The following SNTB1 variants were observed in gnomAD, a reference collection of about 807,000 sequenced individuals.
SNTB1 encodes the protein syntrophin beta 1, also known as beta-1-syntrophin.
Under a neutral mutation model 48.9 loss-of-function variants are expected in SNTB1, and 36 were observed. The ratio of observed to expected loss-of-function variants is 0.74; its 90% CI spans 0.56 to 0.97. The LOEUF is 0.97. Among genes scored for constraint, SNTB1 ranks in the 50% least tolerant of loss-of-function variants. The probability of loss-of-function intolerance (pLI) is 0.00; values close to 1 mark genes in which losing one functional copy is unlikely to be tolerated. For missense variants in SNTB1, 786 were observed against 703.4 expected, an observed-to-expected ratio of 1.12 and a Z score of -1.33; for synonymous variants, 299 against 294.6, an observed-to-expected ratio of 1.01 and a Z score of -0.15.
At chr8:120,664,802 G>A (rs957531415) in intron 2 of SNTB1, among the ~76,000 whole-genome samples, 1 of 152,208 alleles carries the variant, frequency 6.6e-6, no homozygotes, top group African/African-American at 2.4e-5. Flanking sequence ...GAGAGGAATT[G>A]CTGGCTCATA....
chr8:120,667,286 C>T (rs1028754920), intron 2 of SNTB1, among the ~76,000 whole-genome samples: 2 of 152,148 alleles, frequency 1.3e-5, no homozygotes, highest in South Asian at 2.1e-4. Context: ...TGCCACCACA[C>T]TACAGCTCAC....
chr8:120,571,270 T>C (rs1163262654), intron 4 of SNTB1: 2 of 1,284,508 alleles, frequency 1.6e-6, no homozygotes, highest in Non-Finnish European at 1.0e-6. Context: ...ACTTTGCTTC[T>C]TAGTAACTGG....
intron 2 of SNTB1, among the ~76,000 whole-genome samples, chr8:120,657,255 A>C (rs1029868930): frequency 4.6e-5 from 7 of 152,180 alleles, no homozygotes; most frequent in African/African-American, 1.7e-4. Flanking sequence ...CCCAGTGTAC[A>C]ATTTTATCAG....
At chr8:120,713,513 C>T (rs954723272) in intron 1 of SNTB1, among the ~76,000 whole-genome samples, 1 of 152,112 alleles carries the variant, frequency 6.6e-6, no homozygotes, top group African/African-American at 2.4e-5. Context: ...GGGTGGATTG[C>T]GAGGTCAGGA....
chr8:120,697,026 A>T (rs1435493377), intron 1 of SNTB1, among the ~76,000 whole-genome samples: 1 of 152,230 alleles, frequency 6.6e-6, no homozygotes, highest in East Asian at 1.9e-4. Context: ...GATTAGAAGT[A>T]GATCCACCAT....
chr8:120,578,437 C>T (rs1815985528), intron 3 of SNTB1, among the ~76,000 whole-genome samples: 1 of 152,088 alleles, frequency 6.6e-6, no homozygotes, highest in Non-Finnish European at 1.5e-5. Flanking sequence ...TTCCTGGCAC[C>T]CAAAGGTATT....
chr8:120,800,819 GAT>G (rs1231382462), intron 1 of SNTB1, among the ~76,000 whole-genome samples: 2 of 152,002 alleles, frequency 1.3e-5, no homozygotes, highest in Non-Finnish European at 2.9e-5. Context: ...AAAATGGAAT[GAT>G]ACTGTCATGG....
In SNTB1 at chr8:120,590,680, C is replaced by G. The variant is rs543543592; in HGVS notation, c.997-15455G>C. Among the ~76,000 whole-genome samples the G allele has an allele frequency of 1.1e-4, 14 of 131,016 alleles. No individual in the cohort carries two copies. In the East Asian group the frequency reaches 3.1e-3, roughly 29 times the overall value. The allele number at this position is 131,016 out of a possible 152,430, so 86.0% of individuals were successfully genotyped here. ...AGGTTTCTTTCTTTTGTTTTCTTTT[C>G]TTTTCTTTTTTTTTTTTTTTGAGAC... On this transcript the variant is annotated intron_variant, in intron 3 of 6. Transcript: ENST00000517992.
At chr8:120,746,863 A>T (rs1284875117) in intron 1 of SNTB1, among the ~76,000 whole-genome samples, 4 of 152,222 alleles carry the variant, frequency 2.6e-5, no homozygotes, top group African/African-American at 9.6e-5. Context: ...CATGGTGTTT[A>T]GTCCATTCAT....
At chr8:120,782,237 G>A (rs958576551) in intron 1 of SNTB1, among the ~76,000 whole-genome samples, 10 of 151,990 alleles carry the variant, frequency 6.6e-5, no homozygotes, top group East Asian at 1.9e-4. Flanking sequence ...ATATAACCTC[G>A]TTTTAGCTAA....
intron 4 of SNTB1, among the ~76,000 whole-genome samples, chr8:120,550,371 G>A (rs1213186917): frequency 1.3e-5 from 2 of 151,712 alleles, no homozygotes; most frequent in African/African-American, 2.4e-5. Context: ...CGGAAACCCC[G>A]TCTCTACTAA....
At chr8:120,683,919 C>G (rs1817982346) in intron 2 of SNTB1, among the ~76,000 whole-genome samples, 1 of 152,194 alleles carries the variant, frequency 6.6e-6, no homozygotes, top group Non-Finnish European at 1.5e-5. Context: ...AATAATCAAA[C>G]ATGATTATAT....
At chr8:120,586,598 CG>C (rs1816145510) in intron 3 of SNTB1, among the ~76,000 whole-genome samples, 1 of 152,128 alleles carries the variant, frequency 6.6e-6, no homozygotes. Context: ...CTGGATGATC[CG>C]GGATCCTCTC....
chr8:120,716,495 G>C (rs556820677), intron 1 of SNTB1, among the ~76,000 whole-genome samples: 20 of 152,288 alleles, frequency 1.3e-4, no homozygotes, highest in African/African-American at 4.8e-4. Flanking sequence ...ATCTATTCCA[G>C]CAGCTGACTT....
intron 1 of SNTB1, among the ~76,000 whole-genome samples, chr8:120,755,169 TGTGAGAGA>T (rs1417449408): frequency 0.22 from 26,557 of 119,658 alleles, 3,560 homozygotes; most frequent in African/African-American, 0.45. Context: ...TGTGTGTGTG[TGTGAGAGA>T]GAGAGAGAGA....
In SNTB1 at chr8:120,548,238, G is replaced by A. The variant is rs112787652; in HGVS notation, c.1333+524C>T. 3.5e-3 allele frequency among the ~76,000 whole-genome samples: 529 copies of A among 152,162 alleles called. 2 individuals carry two copies. The highest frequency in any genetic ancestry group is 4.4e-3 in the Non-Finnish European group (299 of 68,016). On this transcript the variant is annotated intron_variant, in intron 5 of 6. Transcript: ENST00000517992. ...GGTCCTCACCAGAAGCAGATGCCAG[G>A]ACCATGCTTCCTGTACAGTCTGCAG...
intron 3 of SNTB1, among the ~76,000 whole-genome samples, chr8:120,587,904 C>G (rs1816174703): frequency 6.6e-6 from 1 of 152,166 alleles, no homozygotes; most frequent in African/African-American, 2.4e-5. Flanking sequence ...GTTAAAGTCT[C>G]TATTTGGTAA....
rs538925366 is a variant in SNTB1 at position 120,708,785 on chromosome 8, GC to G, written c.572-14878del. On this transcript the variant is annotated intron_variant, in intron 1 of 6. Coordinates refer to ENST00000517992, the MANE Select transcript of SNTB1 (RefSeq NM_021021.4). The stretch of plus-strand genomic sequence containing the variant: ...TAGACAGTTATAGGAAACAAAAGAA[GC>G]CCTTAGTAAACCAGAAATAGAAGGT... Among the ~76,000 whole-genome samples the G allele has an allele frequency of 6.1e-3, 936 of 152,220 alleles. 9 individuals are homozygous for G. The highest frequency in any genetic ancestry group is 0.022 in the African/African-American group (907 of 41,550).
At chr8:120,765,598 T>C (rs1183179765) in intron 1 of SNTB1, among the ~76,000 whole-genome samples, 2 of 152,058 alleles carry the variant, frequency 1.3e-5, no homozygotes, top group Non-Finnish European at 2.9e-5. Flanking sequence ...AGGCAAAAAA[T>C]GCATGCATGC....
Sources: gnomAD v4.1 joint callset for allele counts (sites outside exome capture counted in the v4.1 genomes callset) on GRCh38, gnomAD v4.1.1 for gene constraint, MANE v1.5 for transcripts, NCBI Gene and HGNC (gene_info 2026-07-23, HGNC 2026-07-21) for gene names.